The following ADAMTSL3 variants were observed in gnomAD, a reference collection of about 807,000 sequenced individuals.
The protein encoded by ADAMTSL3 is ADAMTS like 3.
Under a neutral mutation model 201.7 loss-of-function variants are expected in ADAMTSL3, and 128 were observed. The observed-to-expected ratio is 0.63, with a 90% confidence interval of 0.55 to 0.73. ADAMTSL3 has a LOEUF of 0.73. ADAMTSL3 is among the 30% of genes least tolerant of loss of function. ADAMTSL3 has a pLI of 0.00. For synonymous variants in ADAMTSL3, 738 were observed against 748.4 expected (o/e 0.99, Z 0.23); for missense variants, 1,990 against 2,119.6 (o/e 0.94, Z 1.20).
At position 83,930,930 on chromosome 15, in the gene ADAMTSL3, C is replaced by T. The variant is rs1021041813; in HGVS notation, c.2117+6897C>T. On this transcript the variant is annotated intron_variant, in intron 17 of 29. Coordinates refer to ENST00000286744, the MANE Select transcript of ADAMTSL3 (RefSeq NM_207517.3). The stretch of plus-strand genomic sequence containing the variant: ...AGTAAAATATTACCCCAGGGTGAAA[C>T]TTACCACTGAGATTGGGTTGAACAG... 3.3e-5 allele frequency among the ~76,000 whole-genome samples: 5 copies of T among 152,340 alleles called. No individual in the cohort carries two copies. In the East Asian group the frequency reaches 5.8e-4, roughly 18 times the overall value.
chr15:83,904,964 A>G (rs1450979516), intron 15 of ADAMTSL3, among the ~76,000 whole-genome samples: 1 of 152,236 alleles, frequency 6.6e-6, no homozygotes, highest in Non-Finnish European at 1.5e-5. Flanking sequence ...AATATTGAGG[A>G]GTGCTTTGTG....
chr15:83,763,760 C>T (rs535420136), intron 3 of ADAMTSL3, among the ~76,000 whole-genome samples: 31 of 152,360 alleles, frequency 2.0e-4, no homozygotes, highest in Admixed American at 9.8e-4. Context: ...CCGCCTTGGC[C>T]TCCCAAAGTG....
intron 23 of ADAMTSL3, among the ~76,000 whole-genome samples, chr15:84,008,193 T>C (rs536938632): frequency 6.6e-6 from 1 of 152,272 alleles, no homozygotes; most frequent in East Asian, 1.9e-4. Context: ...CACTGCAACC[T>C]CTACCTCCTG....
chr15:83,877,319 A>G (rs774419877), intron 9 of ADAMTSL3, among the ~76,000 whole-genome samples: 1 of 152,300 alleles, frequency 6.6e-6, no homozygotes, highest in South Asian at 2.1e-4. Flanking sequence ...TTTTGTATAT[A>G]TTGTGAGGTA....
chr15:83,995,949 C>T (rs1018655512), intron 23 of ADAMTSL3, among the ~76,000 whole-genome samples: 2 of 152,086 alleles, frequency 1.3e-5, no homozygotes, highest in African/African-American at 2.4e-5. Flanking sequence ...GCGGAGCCCA[C>T]AGCAGATTCA....
In ADAMTSL3 at chr15:84,028,106, A is replaced by T. The variant is rs187122555; in HGVS notation, c.4656+2670A>T. Among the ~76,000 whole-genome samples, 399 of 152,314 alleles carry T rather than the reference A, an allele frequency of 2.6e-3. 3 individuals are homozygous for T. Among genetic ancestry groups the T allele is most frequent in the Middle Eastern group, 0.01 (3 of 294 alleles). ...CTTGGGGAAAGAAGCAATCAGAGGA[A>T]TTAGGAGTGACTGTTAAAGGTATGG... is the stretch of plus-strand genomic sequence containing the variant. On this transcript the variant is annotated intron_variant, in intron 27 of 29. Transcript: ENST00000286744.
rs1299563970 is a variant in ADAMTSL3, at chr15:83,776,113, T to C, written c.317+2463T>C. On this transcript the variant is annotated intron_variant, in intron 4 of 29. Coordinates refer to ENST00000286744, the MANE Select transcript of ADAMTSL3 (RefSeq NM_207517.3). ...GTGTGAATTAAACACCAAGCAACTG[T>C]TGGTGACACATATTGAACTCTTCAA... Among the ~76,000 whole-genome samples, 3 of 152,214 alleles carry C rather than the reference T, an allele frequency of 2.0e-5. No individual in the cohort carries two copies. The East Asian group carries it at 5.8e-4, about 29-fold the overall frequency.
intron 7 of ADAMTSL3, among the ~76,000 whole-genome samples, chr15:83,845,538 C>G (rs7162542): frequency 0.64 from 98,039 of 152,060 alleles, 32,423 homozygotes; most frequent in East Asian, 0.94. Flanking sequence ...TCACTTACTG[C>G]GACCTCAACT....
chr15:83,913,822 T>C (rs1487461981), intron 16 of ADAMTSL3, among the ~76,000 whole-genome samples: 1 of 152,192 alleles, frequency 6.6e-6, no homozygotes, highest in African/African-American at 2.4e-5. Context: ...AACAAACTAA[T>C]CACCATGATT....
chr15:83,787,624 C>T (rs2063285549), intron 4 of ADAMTSL3, among the ~76,000 whole-genome samples: 1 of 152,128 alleles, frequency 6.6e-6, no homozygotes, highest in Non-Finnish European at 1.5e-5. Context: ...CCTCCCATTT[C>T]CTCACCCACC....
chr15:83,921,338 T>C (rs1018870983), intron 16 of ADAMTSL3, among the ~76,000 whole-genome samples: 2 of 152,218 alleles, frequency 1.3e-5, no homozygotes, highest in Admixed American at 6.5e-5. Context: ...GAAAGCATAG[T>C]GTATCTATTT....
chr15:83,827,023 C>A (rs1001255835), intron 6 of ADAMTSL3, among the ~76,000 whole-genome samples: 30 of 152,128 alleles, frequency 2.0e-4, no homozygotes, highest in African/African-American at 6.8e-4. Flanking sequence ...TGGGTATATA[C>A]CCAGTAATAG....
chr15:83,814,079 C>G (rs4473150), intron 5 of ADAMTSL3, among the ~76,000 whole-genome samples: 113,417 of 152,130 alleles, frequency 0.75, 42,801 homozygotes, highest in East Asian at 1. Flanking sequence ...TACTTGCAGA[C>G]GGGGCTCCCA....
At chr15:83,824,350 A>G (rs7164187) in intron 6 of ADAMTSL3, among the ~76,000 whole-genome samples, 104,867 of 151,864 alleles carry the variant, frequency 0.69, 37,141 homozygotes, top group South Asian at 0.88. Context: ...TAGATTCACA[A>G]CAAAATTTAG....
At position 84,003,645 on chromosome 15, in the gene ADAMTSL3, A is replaced by G. The variant is rs372387300; in HGVS notation, c.3974-10897A>G. Among the ~76,000 whole-genome samples the G allele has an allele frequency of 6.0e-4, 92 of 152,248 alleles. 1 individual carries two copies. The highest frequency in any genetic ancestry group is 2.1e-3 in the African/African-American group (88 of 41,544). On this transcript the variant is annotated intron_variant, in intron 23 of 29. Coordinates refer to ENST00000286744, the MANE Select transcript of ADAMTSL3 (RefSeq NM_207517.3). ...TTTTCATACCAGGCAGTAAAAGTGA[A>G]GGGTTTTGAATGCCCTATACCACTC...
At chr15:83,897,145 T>A (rs2065631970) in intron 13 of ADAMTSL3, among the ~76,000 whole-genome samples, 1 of 152,104 alleles carries the variant, frequency 6.6e-6, no homozygotes. Context: ...GAAAAGCTAT[T>A]CTAGATTTTT....
At chr15:83,857,200 T>C (rs991644333) in intron 7 of ADAMTSL3, among the ~76,000 whole-genome samples, 1 of 152,214 alleles carries the variant, frequency 6.6e-6, no homozygotes, top group African/African-American at 2.4e-5. Context: ...AAGTATTCTT[T>C]ATATATGCTA....
At chr15:84,023,283 A>G (rs2068238235) in intron 26 of ADAMTSL3, among the ~76,000 whole-genome samples, 1 of 152,268 alleles carries the variant, frequency 6.6e-6, no homozygotes, top group African/African-American at 2.4e-5. Context: ...ATAAAAAAGC[A>G]TTTGTTGAGT....
intron 4 of ADAMTSL3, among the ~76,000 whole-genome samples, chr15:83,801,641 TATAAATATAA>T (rs1177147115): frequency 4.3e-5 from 1 of 23,502 alleles, no homozygotes; most frequent in African/African-American, 2.1e-4. Context: ...TATATAAATA[TATAAATATAA>T]ATATATATAT....
Sources: gnomAD v4.1 joint callset for allele counts (sites outside exome capture counted in the v4.1 genomes callset) on GRCh38, gnomAD v4.1.1 for gene constraint, MANE v1.5 for transcripts, NCBI Gene and HGNC (gene_info 2026-07-23, HGNC 2026-07-21) for gene names.